Variants in SNX6 observed in about 807,000 individuals in gnomAD.
SNX6 encodes the protein sorting nexin 6.
SNX6 carries 34 observed loss-of-function variants against 63.0 expected under a neutral mutation model. The observed-to-expected ratio is 0.54, with a 90% CI of 0.41 to 0.72. The LOEUF (loss-of-function observed/expected upper bound fraction) is 0.72. Ranked by LOEUF, SNX6 falls within the 30% of genes least tolerant of loss-of-function variation. SNX6 has a pLI of 0.00. For missense variants in SNX6, 398 were observed against 471.4 expected (o/e 0.84, Z 1.44); for synonymous variants, 170 against 164.2 (o/e 1.04, Z -0.27).
intron 2 of SNX6, among the ~76,000 whole-genome samples, chr14:34,613,846 C>T (rs1023032145): frequency 9.9e-5 from 15 of 151,574 alleles, no homozygotes; most frequent in Non-Finnish European, 1.9e-4. Flanking sequence ...TGGTGGCTCA[C>T]GCCTGTAATA....
intron 5 of SNX6, among the ~76,000 whole-genome samples, 168 bp from the exon 6 acceptor site, chr14:34,603,639 T>G (rs988753133): frequency 6.6e-6 from 1 of 152,204 alleles, no homozygotes; most frequent in Non-Finnish European, 1.5e-5. Flanking sequence ...ATGAAATACA[T>G]AAAACCCAGC....
At chr14:34,574,639 A>C (rs1030432893) in intron 11 of SNX6, among the ~76,000 whole-genome samples, 4 of 151,414 alleles carry the variant, frequency 2.6e-5, no homozygotes, top group African/African-American at 9.7e-5. Context: ...AAAAAAAAAA[A>C]AAAGAAAGAA....
At chr14:34,573,814 T>C (rs1473474110) in intron 11 of SNX6, among the ~76,000 whole-genome samples, 1 of 151,460 alleles carries the variant, frequency 6.6e-6, no homozygotes, top group Non-Finnish European at 1.5e-5. Flanking sequence ...GGCTAATTTT[T>C]GTATTTTTAG....
intron 11 of SNX6, chr14:34,568,580 CCCT>C (rs1339173491): frequency 5.0e-6 from 3 of 599,026 alleles, no homozygotes; most frequent in Admixed American, 2.5e-5. Context: ...AAAGTGATCC[CCCT>C]ATTTCAGCCT....
chr14:34,624,996 A>C (rs927180324), intron 2 of SNX6, among the ~76,000 whole-genome samples: 28 of 148,442 alleles, frequency 1.9e-4, no homozygotes, highest in Non-Finnish European at 2.7e-4. Flanking sequence ...GCTCACTGCA[A>C]CCTCCGCCTC....
At chr14:34,615,929 A>G (rs1042105727) in intron 2 of SNX6, among the ~76,000 whole-genome samples, 54 of 152,210 alleles carry the variant, frequency 3.5e-4, no homozygotes, top group African/African-American at 1.1e-3. Context: ...CATATTTTTT[A>G]TAACATATCT....
rs12432539 is a variant in SNX6 at position 34,593,106 on chromosome 14, C to G, written c.657G>C (p.Glu219Asp). Residue 219 changes from glutamate (E) to aspartate (D), a missense_variant, in exon 8 of 14, where the codon GAG (glutamate) becomes GAC (aspartate). By Grantham distance (45) the Glu-to-Asp change is conservative (BLOSUM62 2). Coordinates refer to ENST00000362031, the MANE Select transcript of SNX6 (RefSeq NM_152233.4). The part of the protein sequence containing the change: ...FFEHERTFLL[E>D]YHNRVKDASA... ...ATGCATCCTTAACTCGGTTATGATACTCCAAAAGAAATGTTCGTTCGTGCT... is the reference window on the plus strand; with the variant it reads ...ATGCATCCTTAACTCGGTTATGATAGTCCAAAAGAAATGTTCGTTCGTGCT... The G allele has an allele frequency of 6.2e-7, 1 of 1,603,826 alleles. No homozygotes were observed. Among genetic ancestry groups the G allele is most frequent in the Non-Finnish European group, 8.5e-7 (1 of 1,176,112 alleles).
rs117830318 is a variant in SNX6 at position 34,615,251 on chromosome 14, A to G, written c.55-5509T>C. ...ACTTATTTTGGCATAATTTACATACAATAAAATACAGATTTTCAGTATAAA... is the reference window on the plus strand; with the variant it reads ...ACTTATTTTGGCATAATTTACATACGATAAAATACAGATTTTCAGTATAAA... On this transcript the variant is annotated intron_variant, in intron 2 of 13. Transcript: ENST00000362031. Among the ~76,000 whole-genome samples, 802 of 152,254 alleles carry G rather than the reference A, an allele frequency of 5.3e-3. 4 individuals are homozygous for G. The highest frequency in any genetic ancestry group is 0.014 in the Middle Eastern group (4 of 294).
chr14:34,567,355 C>T (rs1363434401), intron 13 of SNX6, among the ~76,000 whole-genome samples: 1 of 152,052 alleles, frequency 6.6e-6, no homozygotes, highest in Non-Finnish European at 1.5e-5. Context: ...GGTGTGGTGG[C>T]ACATACCTGT....
At chr14:34,572,573 T>C (rs911360382) in intron 11 of SNX6, among the ~76,000 whole-genome samples, 1 of 152,190 alleles carries the variant, frequency 6.6e-6, no homozygotes, top group African/African-American at 2.4e-5. Flanking sequence ...GCATCAGTGA[T>C]CAGGTGGGAA....
At chr14:34,569,719 A>C (rs1173819714) in intron 11 of SNX6, among the ~76,000 whole-genome samples, 2 of 152,212 alleles carry the variant, frequency 1.3e-5, no homozygotes, top group Non-Finnish European at 2.9e-5. Context: ...GTTGTAGCAC[A>C]AATCAATATT....
At chr14:34,573,624 T>C (rs1023449595) in intron 11 of SNX6, among the ~76,000 whole-genome samples, 1 of 145,906 alleles carries the variant, frequency 6.9e-6, no homozygotes, top group African/African-American at 2.5e-5. Flanking sequence ...TGCACACAGC[T>C]TTTTTTTTTT....
intron 8 of SNX6, among the ~76,000 whole-genome samples, chr14:34,588,569 A>G (rs1882266732): frequency 6.6e-6 from 1 of 152,200 alleles, no homozygotes; most frequent in Non-Finnish European, 1.5e-5. Flanking sequence ...CATAAAACTT[A>G]TAATAGCATA....
rs1232287334 is a variant in SNX6, at chr14:34,630,118, G to A, written c.-2C>T. 5 of 1,376,398 alleles carry A rather than the reference G, an allele frequency of 3.6e-6. No homozygotes were observed. The highest frequency in any genetic ancestry group is 1.5e-5 in the African/African-American group (1 of 65,222). The allele number at this position is 1,376,398 out of a possible 1,614,324, so 85.3% of individuals were successfully genotyped here. A position where few individuals can be genotyped will look rare whatever the true frequency, so the allele number is the denominator to read the frequency against. On this transcript the variant is annotated 5_prime_UTR_variant, in exon 1 of 14. Coordinates refer to ENST00000362031, the MANE Select transcript of SNX6 (RefSeq NM_152233.4). Reference sequence around the variant, plus strand: ...GCCGCGGAGAACACCCACCATCATGGCTGCTCCGAGGCGAGGGCCGGCGCA... The same window carrying A: ...GCCGCGGAGAACACCCACCATCATGACTGCTCCGAGGCGAGGGCCGGCGCA...
At chr14:34,619,539 T>C (rs904608979) in intron 2 of SNX6, among the ~76,000 whole-genome samples, 2 of 150,104 alleles carry the variant, frequency 1.3e-5, no homozygotes, top group African/African-American at 2.4e-5. Context: ...TCAGCACTTA[T>C]ACGCAAACAC....
At chr14:34,589,772 C>T (rs555411129) in intron 8 of SNX6, among the ~76,000 whole-genome samples, 8 of 151,844 alleles carry the variant, frequency 5.3e-5, no homozygotes, top group African/African-American at 1.9e-4. Context: ...GGGCAGTGAG[C>T]CAAGATTGTG....
At chr14:34,597,433 G>A (rs1413339066) in intron 7 of SNX6, 117 bp downstream of exon 7, 10 of 685,636 alleles carry the variant, frequency 1.5e-5, no homozygotes, top group Non-Finnish European at 2.3e-5. Flanking sequence ...TCCTAGGACT[G>A]AAGATTCTAA....
chr14:34,629,150 T>A (rs147433526), intron 2 of SNX6, among the ~76,000 whole-genome samples: 8 of 146,272 alleles, frequency 5.5e-5, no homozygotes, highest in African/African-American at 7.4e-5. Flanking sequence ...CAAAAAAAAA[T>A]GGTAACTAGG....
chr14:34,628,950 TGGGA>T (rs1399617564), intron 2 of SNX6, among the ~76,000 whole-genome samples: 3 of 150,196 alleles, frequency 2.0e-5, no homozygotes, highest in Non-Finnish European at 4.4e-5. Context: ...GAGAGTGGGG[TGGGA>T]GGGAGGAATC....
Sources: gnomAD v4.1 joint callset for allele counts (sites outside exome capture counted in the v4.1 genomes callset) on GRCh38, gnomAD v4.1.1 for gene constraint, MANE v1.5 for transcripts, NCBI Gene and HGNC (gene_info 2026-07-23, HGNC 2026-07-21) for gene names.